The following TPPP variants were observed in gnomAD, a reference collection of about 807,000 sequenced individuals.
The protein encoded by TPPP is tubulin polymerization promoting protein, also known as tubulin polymerization-promoting protein.
TPPP carries 6 observed loss-of-function variants against 15.5 expected under a neutral mutation model. The ratio of observed to expected loss-of-function variants is 0.39; its 90% CI spans 0.21 to 0.77. TPPP has a LOEUF of 0.77. Among genes scored for constraint, TPPP ranks in the 30% least tolerant of loss-of-function variants. The pLI is 0.42. For missense variants in TPPP, 269 were observed against 307.2 expected (o/e 0.88, Z 0.93); for synonymous variants, 146 against 133.9 (o/e 1.09, Z -0.63).
intron 2 of TPPP, among the ~76,000 whole-genome samples, chr5:674,741 G>A (rs914046084): frequency 6.6e-6 from 1 of 151,912 alleles, no homozygotes; most frequent in Non-Finnish European, 1.5e-5. Flanking sequence ...GCAGGGGATG[G>A]CAGGCTGGTC....
At chr5:665,939 AGG>A in intron 3 of TPPP, 29 bp downstream of exon 3, 9 of 230,130 alleles carry the variant, frequency 3.9e-5, no homozygotes, top group African/African-American at 8.8e-5. Flanking sequence ...CACCCCCTCC[AGG>A]CCCCGCCTTC....
Position 665,060 on chromosome 5 carries a change from G to A in TPPP, c.*42C>T. The A allele has an allele frequency of 6.3e-7, 1 of 1,585,180 alleles. No homozygotes were observed. On this transcript the variant is annotated 3_prime_UTR_variant, in exon 4 of 4. Transcript: ENST00000360578. ...TGAAGTGCGAGGTGACAGAGTCCCT[G>A]CTCTGGGGACACCGGCAGTGCCGCG...
intron 1 of TPPP, among the ~76,000 whole-genome samples, chr5:693,005 A>C (rs1740933237): frequency 6.6e-6 from 1 of 151,108 alleles, no homozygotes; most frequent in African/African-American, 2.4e-5. Flanking sequence ...GGAGACGGTG[A>C]CAGACCTGTC....
rs771495820 is a variant in TPPP, at chr5:666,133, C to G, written c.312-10G>C. ...CCGGCAAGACTTCCCTCTACAGGGG[C>G]ACAGGCGACTTAGGGCTGGGCGCGG... On this transcript the variant is annotated splice_polypyrimidine_tract_variant and intron_variant, in intron 2 of 3. Transcript: ENST00000360578. 3 of 1,609,920 alleles carry G rather than the reference C, an allele frequency of 1.9e-6. No individual in the cohort carries two copies. The highest frequency in any genetic ancestry group is 2.5e-6 in the Non-Finnish European group (3 of 1,179,596).
intron 1 of TPPP, among the ~76,000 whole-genome samples, chr5:685,342 G>A (rs955769833): frequency 6.6e-6 from 1 of 152,222 alleles, no homozygotes; most frequent in African/African-American, 2.4e-5. Flanking sequence ...AGGGCAGGGT[G>A]GAGTCCTGTG....
At chr5:677,725 C>T (rs766170316) in intron 2 of TPPP, 25 bp downstream of exon 2, 57 of 1,524,220 alleles carry the variant, frequency 3.7e-5, no homozygotes, top group South Asian at 1.5e-4. Flanking sequence ...TCAGGTCCCT[C>T]GGCCCGTGAG....
intron 1 of TPPP, among the ~76,000 whole-genome samples, chr5:691,648 CCCCATCAAAACAGCAGCCCCCAAATA>C: frequency 7.6e-5 from 2 of 26,242 alleles, no homozygotes; most frequent in Non-Finnish European, 1.6e-4. Flanking sequence ...AGCCCCCAAC[CCCCATCAAAACAGCAGCCCCCAAATA>C]CCCATCAAAA....
chr5:668,872 C>G (rs534865830), intron 2 of TPPP, among the ~76,000 whole-genome samples: 63 of 152,366 alleles, frequency 4.1e-4, no homozygotes, highest in African/African-American at 1.5e-3. Flanking sequence ...GATACGCACC[C>G]AACGCGGTGG....
At chr5:679,579 G>A (rs1430854342) in intron 1 of TPPP, among the ~76,000 whole-genome samples, 1 of 152,086 alleles carries the variant, frequency 6.6e-6, no homozygotes, top group Non-Finnish European at 1.5e-5. Context: ...AGCAGGGGTC[G>A]CTGGACAGGA....
At chr5:692,879 C>A in intron 1 of TPPP, 1 of 955,138 alleles carries the variant, frequency 1.0e-6, no homozygotes, top group South Asian at 4.9e-5. Context: ...CCGGCGGCCC[C>A]CTAGGCCTGG....
intron 2 of TPPP, among the ~76,000 whole-genome samples, chr5:669,453 G>A (rs1740109418): frequency 1.3e-5 from 2 of 152,164 alleles, no homozygotes; most frequent in Non-Finnish European, 2.9e-5. Context: ...GTGCCCATTG[G>A]GCCCTGTGGG....
chr5:668,455 C>T (rs1238651262), intron 2 of TPPP, among the ~76,000 whole-genome samples: 6 of 132,680 alleles, frequency 4.5e-5, no homozygotes, highest in Admixed American at 1.5e-4. Flanking sequence ...TGCGGACAAG[C>T]ACACGGAGAG....
At position 677,785 on chromosome 5, in the gene TPPP, G is replaced by A. The variant is rs190532828; in HGVS notation, c.276C>T (p.Thr92=). The A allele has an allele frequency of 2.1e-5, 34 of 1,593,118 alleles. No homozygotes were observed. The Admixed American group carries it at 3.4e-4, about 16-fold the overall frequency. ...DCQVIDGRNV[T]VTDVDIVFSK... ...TGAAGACGATGTCCACGTCAGTGAC[G>A]GTCACGTTCCTGCCGTCGATCACCT... The change falls in exon 2 of 4, where the codon ACC becomes ACT. Residue 92 remains threonine (T), a synonymous_variant. Transcript: ENST00000360578.
Position 691,388 on chromosome 5 carries a change from G to A in TPPP, c.-5+1890C>T, listed in dbSNP as rs1172103104. Among the ~76,000 whole-genome samples the A allele has an allele frequency of 3.4e-5, 2 of 59,466 alleles. 1 individual carries two copies. Among genetic ancestry groups the A allele is most frequent in the African/African-American group, 2.0e-4 (2 of 9,976 alleles). The allele number at this position is 59,466 out of a possible 152,430, so 39.0% of individuals were successfully genotyped here. The stretch of plus-strand genomic sequence containing the variant: ...TCCCAGGGGCAGGGGCTGGCTGGGC[G>A]TGGGGGGAGACCTCTCCCCCTGAGA... On this transcript the variant is annotated intron_variant, in intron 1 of 3. Transcript: ENST00000360578.
chr5:697,882 A>G (rs1420058165), upstream of TPPP, among the ~76,000 whole-genome samples: 3 of 145,220 alleles, frequency 2.1e-5, no homozygotes, highest in African/African-American at 7.7e-5. Context: ...GGCGCAACAA[A>G]AAAAGAAAAC....
intron 2 of TPPP, chr5:667,154 G>A (rs1158464555): frequency 6.6e-6 from 1 of 152,240 alleles, no homozygotes; most frequent in Non-Finnish European, 1.5e-5. Context: ...TGAGAACAGA[G>A]TCAGAAGACT....
chr5:683,904 C>T (rs1740694990), intron 1 of TPPP, among the ~76,000 whole-genome samples: 1 of 152,248 alleles, frequency 6.6e-6, no homozygotes. Flanking sequence ...GCTGGGTGTG[C>T]TGCCGCTGGG....
chr5:663,126 CG>C lies in TPPP; in HGVS notation c.*1975del, dbSNP rs1561077195. 1.2e-5 allele frequency: 1 copy of C among 86,304 alleles called. No individual in the cohort carries two copies. Among genetic ancestry groups the C allele is most frequent in the Non-Finnish European group, 2.4e-5 (1 of 41,394 alleles). 5.3% of individuals were successfully genotyped at this position (86,304 alleles called of 1,614,324 possible). On this transcript the variant is annotated 3_prime_UTR_variant, in exon 4 of 4. Coordinates refer to ENST00000360578, the MANE Select transcript of TPPP (RefSeq NM_007030.3). ...CGGTGGCCGCTCGTCTGTGATCGGG[CG>C]ATTCCGGTGACCGCTCGTCTGTGAT...
intron 1 of TPPP, among the ~76,000 whole-genome samples, chr5:684,493 C>T (rs147296818): frequency 3.9e-5 from 6 of 152,204 alleles, no homozygotes; most frequent in Middle Eastern, 3.4e-3. Context: ...CACAGCGACC[C>T]GAAGCCCCAG....
Sources: gnomAD v4.1 joint callset for allele counts (sites outside exome capture counted in the v4.1 genomes callset) on GRCh38, gnomAD v4.1.1 for gene constraint, MANE v1.5 for transcripts, NCBI Gene and HGNC (gene_info 2026-07-23, HGNC 2026-07-21) for gene names.